CDKAL1: variants seen among roughly 807,000 people sequenced by gnomAD.
CDKAL1 encodes the protein threonylcarbamoyladenosine tRNA methylthiotransferase.
CDKAL1 carries 32 observed loss-of-function variants against 68.2 expected under a neutral mutation model. The ratio of observed to expected loss-of-function variants is 0.47; its 90% CI spans 0.35 to 0.63. The LOEUF (loss-of-function observed/expected upper bound fraction) is 0.63, where lower values mean the gene tolerates loss of function less well. Ranked by LOEUF, CDKAL1 falls within the 30% of genes least tolerant of loss-of-function variation. The pLI is 0.00. For synonymous variants in CDKAL1, 234 were observed against 244.3 expected (o/e 0.96, Z 0.39); for missense variants, 606 against 696.7 (o/e 0.87, Z 1.47).
intron 13 of CDKAL1, among the ~76,000 whole-genome samples, chr6:21,124,864 C>T (rs1307004838): frequency 6.6e-6 from 1 of 151,958 alleles, no homozygotes; most frequent in African/African-American, 2.4e-5. Context: ...GTGTAAAATT[C>T]TTATGTAGCC....
chr6:20,548,580 G>A lies in CDKAL1; in HGVS notation c.174-13G>A. The A allele has an allele frequency of 9.7e-7, 1 of 1,026,502 alleles. No homozygotes were observed. The highest frequency in any genetic ancestry group is 1.4e-5 in the South Asian group (1 of 73,488). 63.6% of individuals were successfully genotyped at this position (1,026,502 alleles called of 1,614,324 possible). A position where few individuals can be genotyped will look rare whatever the true frequency, so the allele number is the denominator to read the frequency against. On this transcript the variant is annotated splice_polypyrimidine_tract_variant and intron_variant, in intron 3 of 15. Transcript: ENST00000274695. ...TGAAACTTACTTTTTTTTTTTTATT[G>A]ATTCCTTAACAGCACTATTCCAGGC...
intron 5 of CDKAL1, among the ~76,000 whole-genome samples, chr6:20,716,647 CAGAAG>C (rs1207552596): frequency 2.0e-5 from 3 of 151,608 alleles, no homozygotes; most frequent in Admixed American, 2.0e-4. Flanking sequence ...TGAGAAAGAA[CAGAAG>C]AGGAGTTTTT....
chr6:21,224,887 T>C (rs984821922), intron 15 of CDKAL1, among the ~76,000 whole-genome samples: 1 of 152,240 alleles, frequency 6.6e-6, no homozygotes, highest in Admixed American at 6.5e-5. Context: ...CCTTGTCCCA[T>C]TTACTTGTCA....
At chr6:20,672,030 C>T (rs1483578028) in intron 5 of CDKAL1, among the ~76,000 whole-genome samples, 1 of 152,100 alleles carries the variant, frequency 6.6e-6, no homozygotes, top group African/African-American at 2.4e-5. Context: ...CTCCACGGTT[C>T]TGTTTATTTG....
intron 13 of CDKAL1, among the ~76,000 whole-genome samples, chr6:21,154,083 A>G (rs1227597575): frequency 6.6e-6 from 1 of 152,142 alleles, no homozygotes; most frequent in African/African-American, 2.4e-5. Flanking sequence ...CGGTTTCCTC[A>G]TCCATAACAT....
chr6:20,874,795 G>C (rs901618340), intron 9 of CDKAL1, among the ~76,000 whole-genome samples: 1 of 151,906 alleles, frequency 6.6e-6, no homozygotes, highest in Non-Finnish European at 1.5e-5. Context: ...GAGCCACCGT[G>C]CCAGGCCACA....
intron 5 of CDKAL1, among the ~76,000 whole-genome samples, chr6:20,726,933 A>T (rs1305007123): frequency 6.6e-6 from 1 of 152,202 alleles, no homozygotes. Flanking sequence ...AAAGCACACA[A>T]AGACTTTGTG....
At chr6:21,133,039 G>C (rs987612990) in intron 13 of CDKAL1, among the ~76,000 whole-genome samples, 3 of 152,072 alleles carry the variant, frequency 2.0e-5, no homozygotes, top group African/African-American at 7.2e-5. Flanking sequence ...CCCTACAACT[G>C]CCCCAAAAAT....
chr6:21,065,842 C>T (rs1771407435), intron 12 of CDKAL1, among the ~76,000 whole-genome samples: 1 of 151,744 alleles, frequency 6.6e-6, no homozygotes, highest in South Asian at 2.1e-4. Flanking sequence ...GGTCTCAAAA[C>T]AAATATCTAC....
In CDKAL1 at chr6:21,230,899, G is replaced by A. The variant is rs1562135423; in HGVS notation, c.1600G>A (p.Ala534Thr). The A allele has an allele frequency of 6.2e-7, 1 of 1,613,758 alleles. No homozygotes were observed. Among genetic ancestry groups the A allele is most frequent in the Non-Finnish European group, 8.5e-7 (1 of 1,179,784 alleles). ...GCTGAGTTCAGGATCCCACACCTCT[G>A]CTGCATCTCAGTGTGACTCAGCGAG... is the stretch of plus-strand genomic sequence containing the variant. Reference protein sequence around the residue: ...NQLSSGSHTSAASQCDSASSR... With the variant: ...NQLSSGSHTSTASQCDSASSR... Residue 534 changes from alanine to threonine, a missense_variant, in exon 16 of 16, where the codon GCT becomes ACT. Ala to Thr is a moderately conservative substitution (Grantham distance 58, BLOSUM62 0). Coordinates refer to ENST00000274695, the MANE Select transcript of CDKAL1 (RefSeq NM_017774.3).
At chr6:21,139,578 G>A (rs9465972) in intron 13 of CDKAL1, among the ~76,000 whole-genome samples, 38,102 of 151,848 alleles carry the variant, frequency 0.25, 4,866 homozygotes, top group South Asian at 0.34. Flanking sequence ...TAGTGTGAAC[G>A]TGGCTCAGTG....
rs559804851 is a variant in CDKAL1 at position 20,794,928 on chromosome 6, A to T, written c.638+13663A>T. 3.4e-4 allele frequency among the ~76,000 whole-genome samples: 52 copies of T among 152,310 alleles called. 1 individual carries two copies. The highest frequency in any genetic ancestry group is 1.2e-3 in the African/African-American group (48 of 41,590). On this transcript the variant is annotated intron_variant, in intron 8 of 15. Transcript: ENST00000274695. ...TGAAATATATGTAGGTCAAAATACCAGAAACTGGTATCACTGTGACCAATA... is the reference window on the plus strand; with the variant it reads ...TGAAATATATGTAGGTCAAAATACCTGAAACTGGTATCACTGTGACCAATA...
chr6:20,999,455 ACT>A (rs555789707), intron 10 of CDKAL1, among the ~76,000 whole-genome samples: 12 of 149,690 alleles, frequency 8.0e-5, no homozygotes, highest in Admixed American at 4.0e-4. Flanking sequence ...ATTTTTAAAC[ACT>A]CTCTGAGTTT....
At chr6:21,164,394 C>G (rs143722424) in intron 13 of CDKAL1, among the ~76,000 whole-genome samples, 1,568 of 151,996 alleles carry the variant, frequency 0.01, 22 homozygotes, top group Non-Finnish European at 0.017. Flanking sequence ...AGGATCTAGC[C>G]AGAACCCAGA....
chr6:20,793,370 A>G (rs1775979145), intron 8 of CDKAL1, among the ~76,000 whole-genome samples: 1 of 152,166 alleles, frequency 6.6e-6, no homozygotes, highest in Non-Finnish European at 1.5e-5. Context: ...TGATGTTGAC[A>G]CATTGCACGC....
chr6:20,711,840 A>T (rs1009562982), intron 5 of CDKAL1, among the ~76,000 whole-genome samples: 1 of 152,256 alleles, frequency 6.6e-6, no homozygotes, highest in Admixed American at 6.5e-5. Context: ...GACAGCCAGT[A>T]AAGAGAGGAA....
intron 13 of CDKAL1, among the ~76,000 whole-genome samples, chr6:21,156,636 G>A (rs1024993935): frequency 1.3e-5 from 2 of 152,056 alleles, no homozygotes; most frequent in Non-Finnish European, 2.9e-5. Context: ...GGACAAATTT[G>A]TCTGAAAGGA....
intron 5 of CDKAL1, among the ~76,000 whole-genome samples, chr6:20,665,880 G>C (rs1045395735): frequency 4.6e-5 from 7 of 152,008 alleles, no homozygotes; most frequent in Non-Finnish European, 8.8e-5. Context: ...GGAATTCTCT[G>C]TACAGCATAG....
intron 4 of CDKAL1, among the ~76,000 whole-genome samples, chr6:20,585,253 C>T (rs1002671765): frequency 2.0e-5 from 3 of 151,930 alleles, no homozygotes. Context: ...GGGGTTTCAC[C>T]GTGTTAGCCA....
Sources: gnomAD v4.1 joint callset for allele counts (sites outside exome capture counted in the v4.1 genomes callset) on GRCh38, gnomAD v4.1.1 for gene constraint, MANE v1.5 for transcripts, NCBI Gene and HGNC (gene_info 2026-07-23, HGNC 2026-07-21) for gene names.